Variants in SLC16A10 observed in about 807,000 individuals in gnomAD.
SLC16A10 encodes the protein monocarboxylate transporter 10.
In SLC16A10, 27 loss-of-function variants were observed where a neutral mutation model predicts 40.0. That is an observed-to-expected ratio of 0.67 (90% CI 0.50 to 0.93). The LOEUF (loss-of-function observed/expected upper bound fraction) is 0.93. Ranked by LOEUF, SLC16A10 falls within the 40% of genes least tolerant of loss-of-function variation. The pLI is 0.00. For synonymous variants in SLC16A10, 213 were observed against 249.8 expected, an observed-to-expected ratio of 0.85 and a Z score of 1.39; for missense variants, 529 against 658.2, an observed-to-expected ratio of 0.80 and a Z score of 2.15.
At chr6:111,187,535 T>A (rs1772919666) in intron 3 of SLC16A10, among the ~76,000 whole-genome samples, 1 of 152,200 alleles carries the variant, frequency 6.6e-6, no homozygotes, top group Admixed American at 6.5e-5. Flanking sequence ...GTTAAGTTGC[T>A]TGCCAAAAGC....
At chr6:111,192,720 G>A (rs1257075244) in intron 3 of SLC16A10, among the ~76,000 whole-genome samples, 1 of 152,192 alleles carries the variant, frequency 6.6e-6, no homozygotes, top group Non-Finnish European at 1.5e-5. Flanking sequence ...ATGGTGGAAG[G>A]TGGAGGAGGA....
chr6:111,207,923 A>C (rs776477587), intron 4 of SLC16A10, among the ~76,000 whole-genome samples: 5 of 152,064 alleles, frequency 3.3e-5, no homozygotes, highest in Non-Finnish European at 5.9e-5. Context: ...GGAGCTATTA[A>C]AGGATTTTAA....
chr6:111,169,382 T>C (rs1344099178), intron 1 of SLC16A10, among the ~76,000 whole-genome samples: 5 of 152,202 alleles, frequency 3.3e-5, no homozygotes, highest in African/African-American at 9.6e-5. Context: ...GAGGTGAGAC[T>C]CTGAATAACC....
At chr6:111,127,401 G>A (rs141987501) in intron 1 of SLC16A10, among the ~76,000 whole-genome samples, 5 of 152,108 alleles carry the variant, frequency 3.3e-5, no homozygotes, top group African/African-American at 4.8e-5. Context: ...GATCACAGGC[G>A]GCACATTTTA....
intron 1 of SLC16A10, among the ~76,000 whole-genome samples, chr6:111,125,810 G>A (rs550130870): frequency 1.8e-4 from 27 of 152,132 alleles, no homozygotes; most frequent in African/African-American, 6.3e-4. Flanking sequence ...CAGGTAGGAT[G>A]GTATTATTAT....
chr6:111,091,580 C>T (rs1214304186), intron 1 of SLC16A10, among the ~76,000 whole-genome samples: 4 of 152,064 alleles, frequency 2.6e-5, no homozygotes, highest in African/African-American at 9.7e-5. Context: ...GAACAAGATA[C>T]TTCCATATGC....
chr6:111,144,676 G>T (rs1189786671), intron 1 of SLC16A10, among the ~76,000 whole-genome samples: 1 of 152,208 alleles, frequency 6.6e-6, no homozygotes, highest in Non-Finnish European at 1.5e-5. Flanking sequence ...TTGCAGTGAG[G>T]TATGATAAAA....
At chr6:111,156,273 A>G (rs964722349) in intron 1 of SLC16A10, among the ~76,000 whole-genome samples, 2 of 152,244 alleles carry the variant, frequency 1.3e-5, no homozygotes, top group Non-Finnish European at 2.9e-5. Flanking sequence ...GCAGAGCATA[A>G]TTAATTCCCC....
intron 3 of SLC16A10, among the ~76,000 whole-genome samples, chr6:111,194,224 A>G (rs1773042322): frequency 6.6e-6 from 1 of 152,156 alleles, no homozygotes; most frequent in Non-Finnish European, 1.5e-5. Flanking sequence ...ATGTTCTTCA[A>G]GTGCTTTTTT....
intron 4 of SLC16A10, among the ~76,000 whole-genome samples, chr6:111,208,742 T>C (rs1240932407): frequency 2.0e-5 from 3 of 152,028 alleles, no homozygotes; most frequent in Non-Finnish European, 4.4e-5. Context: ...AGAAGGTAGA[T>C]TTGTGGTTGT....
intron 4 of SLC16A10, among the ~76,000 whole-genome samples, chr6:111,218,483 G>A (rs953974181): frequency 2.0e-5 from 3 of 152,168 alleles, no homozygotes; most frequent in Non-Finnish European, 2.9e-5. Flanking sequence ...GGAGGCTTAG[G>A]CAGAAGAATT....
intron 4 of SLC16A10, among the ~76,000 whole-genome samples, chr6:111,208,542 C>T (rs1399344522): frequency 3.3e-5 from 5 of 151,776 alleles, no homozygotes; most frequent in South Asian, 2.1e-4. Context: ...TGTGCCACTG[C>T]ACTCCAGCCT....
chr6:111,127,532 G>A (rs191390626), intron 1 of SLC16A10, among the ~76,000 whole-genome samples: 5 of 152,246 alleles, frequency 3.3e-5, no homozygotes, highest in Admixed American at 6.5e-5. Flanking sequence ...TATTTTGGGC[G>A]GGCGCTAGGC....
Position 111,226,734 on chromosome 6 carries a change from CTT to C in SLC16A10, c.*4503_*4504del, listed in dbSNP as rs1771001430. 6.6e-6 allele frequency: 1 copy of C among 152,170 alleles called. No homozygotes were observed. Among genetic ancestry groups the C allele is most frequent in the Non-Finnish European group, 1.5e-5 (1 of 68,028 alleles). The allele number at this position is 152,170 out of a possible 1,614,324, so 9.4% of individuals were successfully genotyped here. A position where few individuals can be genotyped will look rare whatever the true frequency, so the allele number is the denominator to read the frequency against. ...TTTAATTAACTCTTAAAAAGACCAG[CTT>C]TTTGTCTTGTTATGAAAACAAAACG... On this transcript the variant is annotated 3_prime_UTR_variant, in exon 6 of 6. Transcript: ENST00000368851.
At chr6:111,160,781 C>T (rs1183598322) in intron 1 of SLC16A10, among the ~76,000 whole-genome samples, 6 of 151,240 alleles carry the variant, frequency 4.0e-5, no homozygotes, top group African/African-American at 9.7e-5. Context: ...GGTGGTTTTT[C>T]TCTCTCTCTC....
chr6:111,141,669 A>G (rs1212093097), intron 1 of SLC16A10, among the ~76,000 whole-genome samples: 1 of 152,226 alleles, frequency 6.6e-6, no homozygotes, highest in South Asian at 2.1e-4. Flanking sequence ...TCTCAAAAAC[A>G]AAAAGAAACA....
chr6:111,172,975 A>C, intron 2 of SLC16A10, 136 bp downstream of exon 2: 10 of 1,122,630 alleles, frequency 8.9e-6, no homozygotes, highest in Non-Finnish European at 1.3e-5. Context: ...TGACTTATAA[A>C]ACAAACTGTT....
chr6:111,199,961 A>G (rs906480730), intron 3 of SLC16A10, among the ~76,000 whole-genome samples: 2 of 152,122 alleles, frequency 1.3e-5, no homozygotes, highest in African/African-American at 4.8e-5. Flanking sequence ...TTTGGTAGCT[A>G]TGAAATAATC....
intron 1 of SLC16A10, among the ~76,000 whole-genome samples, chr6:111,090,506 G>C (rs1003578333): frequency 6.6e-5 from 10 of 152,276 alleles, no homozygotes; most frequent in African/African-American, 2.4e-4. Flanking sequence ...AGATGTTAAG[G>C]GCTGAGGAAG....
Sources: allele counts gnomAD v4.1 joint callset (sites outside exome capture counted in the v4.1 genomes callset), GRCh38; gene constraint gnomAD v4.1.1; transcripts MANE v1.5; gene names NCBI Gene and HGNC (gene_info 2026-07-23, HGNC 2026-07-21).